PIAS2: variants seen among roughly 807,000 people sequenced by gnomAD.
PIAS2 encodes protein inhibitor of activated STAT 2, also known as E3 SUMO-protein ligase PIAS2.
A neutral mutation model predicts 69.7 loss-of-function variants in PIAS2; 19 were observed. That is an observed-to-expected ratio of 0.27 (90% CI 0.19 to 0.40). PIAS2 has a LOEUF of 0.40. PIAS2 is among the 10% of genes least tolerant of loss of function. The probability of loss-of-function intolerance (pLI) is 1.00; values close to 1 mark genes in which losing one functional copy is unlikely to be tolerated. For missense variants in PIAS2, 624 were observed against 757.0 expected (o/e 0.82, Z 2.06); for synonymous variants, 261 against 263.2 (o/e 0.99, Z 0.08).
Position 46,890,981 on chromosome 18 carries a change from C to A in PIAS2, c.98G>T (p.Arg33Leu). ...CGCCCTCATCAGGAGGTCATGCTTGCGTCCACTTTTATTCCGTCCAGCAAA... is the reference window on the plus strand; with the variant it reads ...CGCCCTCATCAGGAGGTCATGCTTGAGTCCACTTTTATTCCGTCCAGCAAA... ...LGFAGRNKSG[R>L]KHDLLMRALH... The change falls in exon 2 of 14, where the codon CGC becomes CTC. Residue 33 changes from arginine to leucine, a missense_variant. This residue lies in a region of PIAS2 where 339 missense variants were observed against 408.8 expected (regional missense o/e 0.83). Coordinates refer to ENST00000585916, the MANE Select transcript of PIAS2 (RefSeq NM_004671.5). 1.2e-6 allele frequency: 2 copies of A among 1,614,022 alleles called. No homozygotes were observed. Among genetic ancestry groups the A allele is most frequent in the Non-Finnish European group, 1.7e-6 (2 of 1,179,998 alleles).
intron 3 of PIAS2, among the ~76,000 whole-genome samples, chr18:46,856,507 A>G (rs2047858419): frequency 6.6e-6 from 1 of 152,200 alleles, no homozygotes; most frequent in Non-Finnish European, 1.5e-5. Flanking sequence ...TATAATTTCT[A>G]GATGAGAATC....
intron 5 of PIAS2, among the ~76,000 whole-genome samples, chr18:46,855,066 A>G (rs2145432309): frequency 6.7e-6 from 1 of 149,480 alleles, no homozygotes; most frequent in East Asian, 2.0e-4. Context: ...TATAAATTCA[A>G]ATCAAGCCTG....
Position 46,864,267 on chromosome 18 carries a change from A to G in PIAS2, c.500-19T>C. The G allele has an allele frequency of 3.3e-6, 5 of 1,495,384 alleles. No individual in the cohort carries two copies. The highest frequency in any genetic ancestry group is 1.2e-5 in the South Asian group (1 of 81,516). 92.6% of individuals were successfully genotyped at this position (1,495,384 alleles called of 1,614,324 possible). On this transcript the variant is annotated intron_variant, in intron 2 of 13. Transcript: ENST00000585916. ...CTTTGAACTGGGAAGAAAAAAAAAA[A>G]GAAAGATAATATTTCAATAACAAAT... is the stretch of plus-strand genomic sequence containing the variant.
chr18:46,894,950 G>A (rs957107120), intron 1 of PIAS2, among the ~76,000 whole-genome samples: 14 of 152,016 alleles, frequency 9.2e-5, no homozygotes, highest in African/African-American at 3.4e-4. Flanking sequence ...GCAGGTGCCT[G>A]TAATCCCAGC....
intron 1 of PIAS2, among the ~76,000 whole-genome samples, chr18:46,897,447 A>G (rs538199985): frequency 1.3e-5 from 2 of 152,332 alleles, no homozygotes; most frequent in East Asian, 3.9e-4. Flanking sequence ...TTGAGCATCA[A>G]AAAGAATAAT....
chr18:46,903,478 T>C (rs1442933994), intron 1 of PIAS2: 7 of 152,066 alleles, frequency 4.6e-5, no homozygotes, highest in African/African-American at 9.7e-5. Flanking sequence ...TCATTAGCCA[T>C]TGGGGAAATG....
chr18:46,893,465 C>T, intron 1 of PIAS2: 1 of 983,880 alleles, frequency 1.0e-6, no homozygotes, highest in Non-Finnish European at 1.2e-6. Context: ...TCTAGGAGGT[C>T]TCATATCTCA....
At chr18:46,903,777 AT>A (rs975232837) in intron 1 of PIAS2, 1 of 152,216 alleles carries the variant, frequency 6.6e-6, no homozygotes, top group Non-Finnish European at 1.5e-5. Flanking sequence ...TCTTTATAGC[AT>A]TTTTATTCAT....
In PIAS2 at chr18:46,810,121, T is replaced by C. The variant is rs1453070493; in HGVS notation, c.*2312A>G. 6.6e-6 allele frequency: 1 copy of C among 151,484 alleles called. No homozygotes were observed. The highest frequency in any genetic ancestry group is 1.5e-5 in the Non-Finnish European group (1 of 67,914). The allele number at this position is 151,484 out of a possible 1,614,324, so 9.4% of individuals were successfully genotyped here. ...TGCAAGTTGCCTGTATGAAATAAATTAAAAATTTATATGTAATTTCAGTGT... is the reference window on the plus strand; with the variant it reads ...TGCAAGTTGCCTGTATGAAATAAATCAAAAATTTATATGTAATTTCAGTGT... On this transcript the variant is annotated 3_prime_UTR_variant, in exon 14 of 14. Transcript: ENST00000585916.
At chr18:46,818,697 T>C (rs1317048283) in intron 12 of PIAS2, among the ~76,000 whole-genome samples, 1 of 152,048 alleles carries the variant, frequency 6.6e-6, no homozygotes, top group African/African-American at 2.4e-5. Flanking sequence ...TATTTAGATA[T>C]AGTAACTGCT....
At chr18:46,851,802 T>C (rs747704012) in intron 5 of PIAS2, among the ~76,000 whole-genome samples, 13 of 152,210 alleles carry the variant, frequency 8.5e-5, no homozygotes, top group South Asian at 2.1e-4. Context: ...ACATGAAGTA[T>C]AGTGGTCAAC....
chr18:46,864,328 T>C (rs553518280), intron 2 of PIAS2, 80 bp from the exon 3 acceptor site: 2 of 893,984 alleles, frequency 2.2e-6, no homozygotes, highest in African/African-American at 3.4e-5. Flanking sequence ...CCAGGCATTT[T>C]TTATAAAGTA....
intron 11 of PIAS2, among the ~76,000 whole-genome samples, chr18:46,826,244 G>A (rs1374148535): frequency 1.3e-5 from 2 of 152,204 alleles, no homozygotes; most frequent in African/African-American, 4.8e-5. Context: ...GATCACAGAT[G>A]TAAACTATCC....
intron 3 of PIAS2, among the ~76,000 whole-genome samples, chr18:46,861,632 T>C (rs1018849250): frequency 1.3e-5 from 2 of 152,292 alleles, no homozygotes; most frequent in East Asian, 3.9e-4. Context: ...GAGGTATTCT[T>C]GCCAAAAATG....
Position 46,917,355 on chromosome 18 carries a change from C to G in PIAS2, c.-10G>C. ...CTTCGAAATCCGCCATTTTATACCA[C>G]CCGCGGGCGCCGCCGCCGCTGCCGC... On this transcript the variant is annotated 5_prime_UTR_variant, in exon 1 of 14. Transcript: ENST00000585916. The G allele has an allele frequency of 6.8e-7, 1 of 1,464,838 alleles. No individual in the cohort carries two copies. Among genetic ancestry groups the G allele is most frequent in the Non-Finnish European group, 9.1e-7 (1 of 1,103,154 alleles). 90.7% of individuals were successfully genotyped at this position (1,464,838 alleles called of 1,614,324 possible).
At chr18:46,855,305 T>G in intron 5 of PIAS2, 40 bp downstream of exon 5, 1 of 1,308,698 alleles carries the variant, frequency 7.6e-7, no homozygotes, top group East Asian at 2.3e-5. Context: ...GTGTTTATAT[T>G]AAACTTATAT....
At chr18:46,827,883 A>G in intron 11 of PIAS2, 76 bp downstream of exon 11, 1 of 1,263,642 alleles carries the variant, frequency 7.9e-7, no homozygotes, top group Non-Finnish European at 1.1e-6. Context: ...CATTTCCCAA[A>G]GAGACATTTA....
At position 46,848,858 on chromosome 18, in the gene PIAS2, GA is replaced by G. The variant is rs964558795; in HGVS notation, c.727-2018del. ...AGTGAAAAAAAAAAAAAGTTGCTCA[GA>G]AAAAAAAAAACAACTCCTAAGAAAA... On this transcript the variant is annotated intron_variant, in intron 5 of 13. Transcript: ENST00000585916. Among the ~76,000 whole-genome samples, 21 of 134,208 alleles carry G rather than the reference GA, an allele frequency of 1.6e-4. No homozygotes were observed. In the East Asian group the frequency reaches 3.3e-3, roughly 21 times the overall value. 88.0% of individuals were successfully genotyped at this position (134,208 alleles called of 152,430 possible).
intron 12 of PIAS2, chr18:46,816,197 T>C (rs1300860875): frequency 1.0e-6 from 1 of 985,218 alleles, no homozygotes; most frequent in East Asian, 1.1e-4. Flanking sequence ...ATTTTTATGC[T>C]GGCATTCAGA....
Sources: allele counts gnomAD v4.1 joint callset (sites outside exome capture counted in the v4.1 genomes callset), GRCh38; gene constraint gnomAD v4.1.1; regional missense constraint gnomAD v4.1.1; transcripts MANE v1.5; gene names NCBI Gene and HGNC (gene_info 2026-07-23, HGNC 2026-07-21).